The following TMEM132D variants were observed in gnomAD, a reference collection of about 807,000 sequenced individuals.
The protein encoded by TMEM132D is mature OL transmembrane protein.
In TMEM132D, 21 loss-of-function variants were observed where a neutral mutation model predicts 62.3. The ratio of observed to expected loss-of-function variants is 0.34; its 90% CI spans 0.24 to 0.49. The LOEUF is 0.49. Among genes scored for constraint, TMEM132D ranks in the 20% least tolerant of loss-of-function variants. The pLI, the probability that TMEM132D is intolerant of heterozygous loss-of-function variation, is 0.99. For synonymous variants in TMEM132D, 621 were observed against 575.6 expected (o/e 1.08, Z -1.13); for missense variants, 1,346 against 1,402.8 (o/e 0.96, Z 0.65).
At chr12:129,588,651 T>A (rs1364843160) in intron 2 of TMEM132D, among the ~76,000 whole-genome samples, 1 of 151,504 alleles carries the variant, frequency 6.6e-6, no homozygotes, top group Non-Finnish European at 1.5e-5. Context: ...CTCCGCCCAC[T>A]GCAAGCTCCG....
intron 1 of TMEM132D, among the ~76,000 whole-genome samples, chr12:129,828,779 A>AGGG (rs1566000231): frequency 2.0e-4 from 1 of 5,104 alleles, no homozygotes; most frequent in Non-Finnish European, 3.8e-4. Flanking sequence ...AGGGAGGAAG[A>AGGG]AAAGGAGGGA....
At chr12:129,331,626 A>G (rs1869107580) in intron 4 of TMEM132D, among the ~76,000 whole-genome samples, 1 of 152,346 alleles carries the variant, frequency 6.6e-6, no homozygotes, top group East Asian at 1.9e-4. Context: ...CACAAGTATA[A>G]TATCCAAACA....
Position 129,182,098 on chromosome 12 carries a change from A to G in TMEM132D, c.1443+27422T>C, listed in dbSNP as rs1878083537. Among the ~76,000 whole-genome samples the G allele has an allele frequency of 2.0e-5, 3 of 152,164 alleles. No individual in the cohort carries two copies. In the South Asian group the frequency reaches 6.2e-4, roughly 31 times the overall value. On this transcript the variant is annotated intron_variant, in intron 5 of 8. Transcript: ENST00000422113. ...AGGAGCTGGCCAGGCGCGGTGTCTCATGCCTGTAAACCAAGCACTTTGGGA... is the reference window on the plus strand; with the variant it reads ...AGGAGCTGGCCAGGCGCGGTGTCTCGTGCCTGTAAACCAAGCACTTTGGGA...
At chr12:129,896,886 T>C (rs537600941) in intron 1 of TMEM132D, among the ~76,000 whole-genome samples, 3 of 152,360 alleles carry the variant, frequency 2.0e-5, no homozygotes, top group South Asian at 2.1e-4. Context: ...TTTACCTTTA[T>C]AACTGTTGAC....
intron 1 of TMEM132D, among the ~76,000 whole-genome samples, chr12:129,836,038 G>A (rs1011091080): frequency 6.6e-6 from 1 of 152,158 alleles, no homozygotes; most frequent in Non-Finnish European, 1.5e-5. Flanking sequence ...TTATGTCCTG[G>A]GATGTCCCAG....
chr12:129,360,228 C>G (rs768890857), intron 3 of TMEM132D, among the ~76,000 whole-genome samples: 1 of 152,044 alleles, frequency 6.6e-6, no homozygotes, highest in Non-Finnish European at 1.5e-5. Flanking sequence ...AAGAGATGAT[C>G]ACAGCCAGAG....
chr12:129,676,719 C>T (rs264503), intron 2 of TMEM132D, among the ~76,000 whole-genome samples: 20,285 of 152,238 alleles, frequency 0.13, 1,480 homozygotes, highest in East Asian at 0.22. Context: ...CCACCTCCAA[C>T]ATTGTGAGTC....
intron 5 of TMEM132D, among the ~76,000 whole-genome samples, chr12:129,186,282 G>A (rs1374919646): frequency 6.6e-6 from 1 of 152,144 alleles, no homozygotes; most frequent in Non-Finnish European, 1.5e-5. Context: ...ACTTATCCAG[G>A]TTGGCAGCTC....
intron 2 of TMEM132D, among the ~76,000 whole-genome samples, chr12:129,651,444 A>C (rs1879925777): frequency 6.6e-6 from 1 of 152,114 alleles, no homozygotes; most frequent in African/African-American, 2.4e-5. Flanking sequence ...CAATGCGGGA[A>C]TGGAGTGCAC....
intron 2 of TMEM132D, among the ~76,000 whole-genome samples, chr12:129,587,182 A>G (rs966014471): frequency 6.6e-6 from 1 of 152,218 alleles, no homozygotes; most frequent in Non-Finnish European, 1.5e-5. Flanking sequence ...AATGTGGTAC[A>G]TATACACCAT....
At chr12:129,695,602 G>A (rs1044805870) in intron 2 of TMEM132D, among the ~76,000 whole-genome samples, 1 of 152,232 alleles carries the variant, frequency 6.6e-6, no homozygotes, top group Non-Finnish European at 1.5e-5. Context: ...GTCTTCACAA[G>A]AGGAAAATGC....
chr12:129,691,321 T>C (rs1431229175), intron 2 of TMEM132D, among the ~76,000 whole-genome samples: 1 of 151,382 alleles, frequency 6.6e-6, no homozygotes, highest in Non-Finnish European at 1.5e-5. Flanking sequence ...CAGAAGGAAA[T>C]TATACAAATT....
In TMEM132D at chr12:129,768,880, C is replaced by T. The variant is rs192633442; in HGVS notation, c.80-68182G>A. On this transcript the variant is annotated intron_variant, in intron 1 of 8. Coordinates refer to ENST00000422113, the MANE Select transcript of TMEM132D (RefSeq NM_133448.3). Reference sequence around the variant, plus strand: ...ATACAGATATATCGTGGATTTTCAACGAACTTTTAGGATACTGTGGGATTG... The same window carrying T: ...ATACAGATATATCGTGGATTTTCAATGAACTTTTAGGATACTGTGGGATTG... Among the ~76,000 whole-genome samples, 8 of 152,322 alleles carry T rather than the reference C, an allele frequency of 5.3e-5. No homozygotes were observed. In the East Asian group the frequency reaches 1.3e-3, roughly 26 times the overall value.
At chr12:129,751,567 C>T (rs927867943) in intron 1 of TMEM132D, among the ~76,000 whole-genome samples, 15 of 152,154 alleles carry the variant, frequency 9.9e-5, no homozygotes, top group East Asian at 1.9e-4. Context: ...AGCACTGACT[C>T]AGGACCCTGC....
At chr12:129,537,981 G>T (rs10773681) in intron 2 of TMEM132D, among the ~76,000 whole-genome samples, 35,831 of 152,126 alleles carry the variant, frequency 0.24, 4,433 homozygotes, top group East Asian at 0.4. Context: ...CGGCACACAG[G>T]CCAGGTGCTG....
At chr12:129,719,083 GAAAAAA>G (rs59987335) in intron 1 of TMEM132D, among the ~76,000 whole-genome samples, 1 of 99,168 alleles carries the variant, frequency 1.0e-5, no homozygotes, top group East Asian at 2.6e-4. Flanking sequence ...CAAAAAAAAT[GAAAAAA>G]AAAAAAAAAA....
rs146475701 is a variant in TMEM132D, at chr12:129,514,921, A to G, written c.1115+16138T>C. On this transcript the variant is annotated intron_variant, in intron 3 of 8. Coordinates refer to ENST00000422113, the MANE Select transcript of TMEM132D (RefSeq NM_133448.3). ...TACTCCATGATTAGTGATGTTCCAG[A>G]ATGCCTGGTGATGGAAAACAAGGAC... Among the ~76,000 whole-genome samples, 347 of 152,288 alleles carry G rather than the reference A, an allele frequency of 2.3e-3. 2 individuals carry two copies. The highest frequency in any genetic ancestry group is 8.3e-3 in the African/African-American group (344 of 41,552).
intron 4 of TMEM132D, among the ~76,000 whole-genome samples, chr12:129,301,700 A>G (rs1183066158): frequency 4.6e-5 from 7 of 152,132 alleles, no homozygotes; most frequent in Non-Finnish European, 1.5e-5. Flanking sequence ...GATTTTATGC[A>G]TTATTTAATT....
chr12:129,078,422 C>T, intron 8 of TMEM132D, 112 bp downstream of exon 8: 1 of 1,092,692 alleles, frequency 9.2e-7, no homozygotes, highest in Non-Finnish European at 1.3e-6. Flanking sequence ...AAACAAACGC[C>T]CGATATATGA....
Sources: allele counts gnomAD v4.1 joint callset (sites outside exome capture counted in the v4.1 genomes callset), GRCh38; gene constraint gnomAD v4.1.1; transcripts MANE v1.5; gene names NCBI Gene and HGNC (gene_info 2026-07-23, HGNC 2026-07-21).